DLG2: variants seen among roughly 807,000 people sequenced by gnomAD.
DLG2 encodes the protein disks large homolog 2.
In DLG2, 45 loss-of-function variants were observed where a neutral mutation model predicts 132.5. The ratio of observed to expected loss-of-function variants is 0.34; its 90% CI spans 0.27 to 0.44. The LOEUF (loss-of-function observed/expected upper bound fraction) is 0.44. Ranked by LOEUF, DLG2 falls within the 20% of genes least tolerant of loss-of-function variation. DLG2 has a pLI of 1.00. For missense variants in DLG2, 1,045 were observed against 1,196.9 expected (o/e 0.87, Z 1.87); for synonymous variants, 424 against 419.6 (o/e 1.01, Z -0.13).
At chr11:84,294,176 C>T (rs2098053491) in intron 7 of DLG2, among the ~76,000 whole-genome samples, 1 of 152,188 alleles carries the variant, frequency 6.6e-6, no homozygotes, top group Non-Finnish European at 1.5e-5. Context: ...AACCTAGGTC[C>T]TTCTTGCTAA....
At chr11:83,510,664 G>A (rs772086287) in intron 21 of DLG2, among the ~76,000 whole-genome samples, 29 of 151,864 alleles carry the variant, frequency 1.9e-4, no homozygotes, top group African/African-American at 2.7e-4. Flanking sequence ...CAGGCTCTTC[G>A]GTATAGCTCT....
intron 11 of DLG2, among the ~76,000 whole-genome samples, chr11:84,005,328 A>G (rs1385490913): frequency 6.6e-6 from 1 of 151,906 alleles, no homozygotes; most frequent in African/African-American, 2.4e-5. Context: ...CCCCTATCTG[A>G]TCATATACAA....
chr11:83,857,756 C>T (rs2060774972), intron 16 of DLG2, among the ~76,000 whole-genome samples: 2 of 151,474 alleles, frequency 1.3e-5, no homozygotes, highest in South Asian at 4.2e-4. Flanking sequence ...ATGTTAATAA[C>T]AGGTGAGGCT....
chr11:85,412,977 G>C (rs2089480897), intron 3 of DLG2, among the ~76,000 whole-genome samples: 1 of 151,754 alleles, frequency 6.6e-6, no homozygotes, highest in Non-Finnish European at 1.5e-5. Flanking sequence ...AGTTATTTAA[G>C]AAATCTCCAA....
chr11:85,513,246 C>G (rs544972674), intron 3 of DLG2, among the ~76,000 whole-genome samples: 3 of 151,970 alleles, frequency 2.0e-5, no homozygotes, highest in South Asian at 4.1e-4. Context: ...TTGGGTAATA[C>G]GTTCAATTAG....
At chr11:84,370,025 C>CATAA in intron 7 of DLG2, among the ~76,000 whole-genome samples, 1 of 152,222 alleles carries the variant, frequency 6.6e-6, no homozygotes, top group Middle Eastern at 3.4e-3. Flanking sequence ...AAATGAACAA[C>CATAA]ATAAATAATT....
chr11:85,035,794 G>GCCTTTGT (rs750968739), intron 6 of DLG2, among the ~76,000 whole-genome samples: 10 of 152,140 alleles, frequency 6.6e-5, no homozygotes, highest in Non-Finnish European at 1.2e-4. Context: ...TGAGGCTACT[G>GCCTTTGT]CCTTTGTTAG....
chr11:84,644,611 T>G (rs1354413148), intron 6 of DLG2, among the ~76,000 whole-genome samples: 1 of 149,544 alleles, frequency 6.7e-6, no homozygotes, highest in South Asian at 2.1e-4. Context: ...GAGGCTGAGG[T>G]AGGAGAATGG....
intron 18 of DLG2, among the ~76,000 whole-genome samples, chr11:83,691,788 G>A (rs976464326): frequency 2.0e-5 from 3 of 152,218 alleles, no homozygotes; most frequent in Admixed American, 6.5e-5. Context: ...GGGTTGTAAC[G>A]TGGATACCGA....
At chr11:85,059,715 T>C (rs2063831533) in intron 6 of DLG2, among the ~76,000 whole-genome samples, 1 of 151,610 alleles carries the variant, frequency 6.6e-6, no homozygotes, top group Non-Finnish European at 1.5e-5. Flanking sequence ...TGTAACTAAT[T>C]TGTCATGATA....
intron 10 of DLG2, among the ~76,000 whole-genome samples, chr11:84,070,999 G>A (rs1445132702): frequency 6.6e-6 from 1 of 152,136 alleles, no homozygotes. Flanking sequence ...AGAAAGGGAG[G>A]AGTGTTCCTT....
chr11:83,479,614 T>C (rs1366617118), intron 22 of DLG2, among the ~76,000 whole-genome samples: 2 of 152,086 alleles, frequency 1.3e-5, no homozygotes, highest in African/African-American at 4.8e-5. Context: ...TAAAAAACCA[T>C]GAGGACTGAT....
chr11:84,524,844 G>A (rs1266342145), intron 7 of DLG2, among the ~76,000 whole-genome samples: 2 of 149,686 alleles, frequency 1.3e-5, no homozygotes, highest in African/African-American at 2.5e-5. Context: ...AACTCATAGG[G>A]TATTTCTTTT....
intron 6 of DLG2, among the ~76,000 whole-genome samples, chr11:84,945,659 C>A (rs1464992820): frequency 6.6e-6 from 1 of 152,160 alleles, no homozygotes; most frequent in African/African-American, 2.4e-5. Context: ...AGCAAGCTTC[C>A]CCCAGCCTGC....
chr11:84,232,198 A>G (rs1354816164), intron 8 of DLG2, among the ~76,000 whole-genome samples: 1 of 152,170 alleles, frequency 6.6e-6, no homozygotes, highest in Non-Finnish European at 1.5e-5. Context: ...CTATCTTTCT[A>G]AAGAAGCCAC....
intron 6 of DLG2, among the ~76,000 whole-genome samples, chr11:84,977,172 T>C (rs1489702922): frequency 2.0e-5 from 3 of 152,154 alleles, no homozygotes; most frequent in Admixed American, 6.5e-5. Context: ...TATTGACACA[T>C]GGCATTCCCC....
chr11:84,033,994 T>A (rs1461438039), intron 11 of DLG2, among the ~76,000 whole-genome samples: 3 of 152,164 alleles, frequency 2.0e-5, no homozygotes, highest in African/African-American at 7.2e-5. Flanking sequence ...GGCAGGAGAA[T>A]CGCTTGAACC....
chr11:84,528,692 G>A (rs1158651846), intron 7 of DLG2, among the ~76,000 whole-genome samples: 3 of 152,190 alleles, frequency 2.0e-5, no homozygotes, highest in Non-Finnish European at 4.4e-5. Flanking sequence ...ATACCAGACA[G>A]ATAAAAGAAG....
At chr11:85,383,827 C>G (rs1052460690) in intron 3 of DLG2, among the ~76,000 whole-genome samples, 1 of 152,122 alleles carries the variant, frequency 6.6e-6, no homozygotes, top group South Asian at 2.1e-4. Context: ...TAATAACTTC[C>G]CTATAGGCTT....
Sources: gnomAD v4.1 joint callset for allele counts (sites outside exome capture counted in the v4.1 genomes callset) on GRCh38, gnomAD v4.1.1 for gene constraint, MANE v1.5 for transcripts, NCBI Gene and HGNC (gene_info 2026-07-23, HGNC 2026-07-21) for gene names.